MEMO1: variants seen among roughly 807,000 people sequenced by gnomAD.
The protein encoded by MEMO1 is protein MEMO1.
MEMO1 carries 6 observed loss-of-function variants against 45.2 expected under a neutral mutation model. The observed-to-expected ratio is 0.13, with a 90% CI of 0.07 to 0.26. The LOEUF is 0.26. Among genes scored for constraint, MEMO1 ranks in the 10% least tolerant of loss-of-function variants. The probability of loss-of-function intolerance (pLI) is 1.00; values close to 1 mark genes in which losing one functional copy is unlikely to be tolerated. For synonymous variants in MEMO1, 78 were observed against 124.3 expected (o/e 0.63, Z 2.48); for missense variants, 184 against 370.5 (o/e 0.50, Z 4.13).
intron 2 of MEMO1, among the ~76,000 whole-genome samples, chr2:31,997,236 A>C (rs755287726): frequency 1.2e-4 from 19 of 152,170 alleles, no homozygotes; most frequent in Non-Finnish European, 2.6e-4. Flanking sequence ...TAAACTCAAA[A>C]CTATTCAAAG....
intron 7 of MEMO1, among the ~76,000 whole-genome samples, chr2:31,891,212 T>C (rs1296987338): frequency 6.6e-6 from 1 of 152,204 alleles, no homozygotes; most frequent in Admixed American, 6.5e-5. Context: ...GAACAGATAT[T>C]GGCATCTTAA....
intron 2 of MEMO1, among the ~76,000 whole-genome samples, chr2:31,987,560 A>G (rs1319546679): frequency 1.3e-5 from 2 of 152,230 alleles, no homozygotes; most frequent in East Asian, 3.8e-4. Flanking sequence ...ACCTGGTGTC[A>G]GACAAATAAC....
intron 9 of MEMO1, 123 bp from the exon 10 acceptor site, chr2:31,868,615 T>A: frequency 1.2e-6 from 1 of 861,504 alleles, no homozygotes; most frequent in Non-Finnish European, 1.6e-6. Context: ...TGCTCTTTTG[T>A]TTCTTGAATT....
Position 31,883,476 on chromosome 2 carries a change from T to C in MEMO1, c.581-14A>G, listed in dbSNP as rs750542666. The C allele has an allele frequency of 1.0e-5, 16 of 1,548,094 alleles. No homozygotes were observed. The South Asian group carries it at 1.1e-4, about 11-fold the overall frequency. The stretch of plus-strand genomic sequence containing the variant: ...GGAACCTTTGACCTTGAAACAAATA[T>C]CATGTACAAAATAAAATAGGGAAAA... On this transcript the variant is annotated splice_polypyrimidine_tract_variant and intron_variant, in intron 7 of 9. Transcript: ENST00000404530.
chr2:31,953,521 T>C (rs1271961867), intron 2 of MEMO1, among the ~76,000 whole-genome samples: 1 of 151,544 alleles, frequency 6.6e-6, no homozygotes, highest in Non-Finnish European at 1.5e-5. Flanking sequence ...AGAGGCACGA[T>C]CTTGGCTCAC....
chr2:31,932,120 C>A lies in MEMO1; in HGVS notation c.159G>T (p.Thr53=), dbSNP rs375894934. The change falls in exon 4 of 10, where the codon ACG becomes ACT. Residue 53 remains threonine (T), a synonymous_variant. Transcript: ENST00000404530. The part of the protein sequence containing the change: ...RAIIAPHAGY[T]YCGSCAAHAY... ...CATGGGCAGCACAAGACCCACAGTACGTATATCCTGCATGGCTACAAAACA... is the reference window on the plus strand; with the variant it reads ...CATGGGCAGCACAAGACCCACAGTAAGTATATCCTGCATGGCTACAAAACA... 1.2e-6 allele frequency: 2 copies of A among 1,613,414 alleles called. No individual in the cohort carries two copies. Among genetic ancestry groups the A allele is most frequent in the Non-Finnish European group, 1.7e-6 (2 of 1,179,564 alleles).
intron 4 of MEMO1, among the ~76,000 whole-genome samples, chr2:31,922,213 G>A (rs1420798014): frequency 1.3e-5 from 2 of 152,022 alleles, no homozygotes; most frequent in Admixed American, 1.3e-4. Context: ...CAGGGAATGT[G>A]TGCTTTAGCA....
chr2:31,882,479 C>T (rs1675554541), intron 8 of MEMO1, among the ~76,000 whole-genome samples: 1 of 151,650 alleles, frequency 6.6e-6, no homozygotes, highest in African/African-American at 2.4e-5. Flanking sequence ...ATATTAATTC[C>T]ACTGAATTTT....
chr2:31,946,022 C>A (rs76258013), intron 2 of MEMO1, among the ~76,000 whole-genome samples: 6 of 152,138 alleles, frequency 3.9e-5, no homozygotes, highest in Non-Finnish European at 8.8e-5. Context: ...TTGTGATACA[C>A]GTGTCATTCT....
chr2:31,896,291 C>T (rs1312724511), intron 6 of MEMO1, among the ~76,000 whole-genome samples: 1 of 152,082 alleles, frequency 6.6e-6, no homozygotes, highest in Non-Finnish European at 1.5e-5. Flanking sequence ...ACACCATATG[C>T]AAAACTTAAT....
At chr2:31,982,670 A>C (rs757378292) in intron 2 of MEMO1, among the ~76,000 whole-genome samples, 34 of 151,922 alleles carry the variant, frequency 2.2e-4, no homozygotes, top group Non-Finnish European at 3.1e-4. Flanking sequence ...TGCTTTGATT[A>C]GAAATTGTAA....
At chr2:31,913,307 T>C (rs915847610) in intron 6 of MEMO1, among the ~76,000 whole-genome samples, 1 of 151,480 alleles carries the variant, frequency 6.6e-6, no homozygotes, top group East Asian at 1.9e-4. Context: ...ATCTATTTTT[T>C]AAAAAATACA....
intron 8 of MEMO1, among the ~76,000 whole-genome samples, chr2:31,875,846 C>G (rs1395683521): frequency 6.6e-6 from 1 of 151,920 alleles, no homozygotes; most frequent in Non-Finnish European, 1.5e-5. Context: ...ACCACCATGC[C>G]CGACTAATTT....
At chr2:31,979,217 G>A (rs918328634) in intron 2 of MEMO1, among the ~76,000 whole-genome samples, 4 of 152,092 alleles carry the variant, frequency 2.6e-5, no homozygotes, top group Admixed American at 2.0e-4. Flanking sequence ...ACAGCAGAGA[G>A]GAAACCAGAC....
chr2:32,006,683 T>C (rs970317988), intron 2 of MEMO1, among the ~76,000 whole-genome samples: 1 of 151,562 alleles, frequency 6.6e-6, no homozygotes, highest in Admixed American at 6.6e-5. Flanking sequence ...GAAGTGAGAA[T>C]GGGCTGGGTG....
chr2:31,932,885 T>C (rs1304164194), intron 3 of MEMO1, among the ~76,000 whole-genome samples: 1 of 152,156 alleles, frequency 6.6e-6, no homozygotes, highest in Non-Finnish European at 1.5e-5. Flanking sequence ...ATAATTATTC[T>C]CGTTTTCTCT....
chr2:31,896,255 T>C (rs1677794882), intron 6 of MEMO1, among the ~76,000 whole-genome samples: 1 of 152,140 alleles, frequency 6.6e-6, no homozygotes. Flanking sequence ...AAAATAAAAA[T>C]AATAATGAAC....
intron 5 of MEMO1, 30 bp downstream of exon 5, chr2:31,920,768 T>C: frequency 7.7e-7 from 1 of 1,300,934 alleles, no homozygotes; most frequent in Non-Finnish European, 1.0e-6. Context: ...CATTAGCTAT[T>C]TGAAAGCTAT....
At chr2:31,970,987 G>A (rs1015537635) in intron 2 of MEMO1, among the ~76,000 whole-genome samples, 1 of 152,196 alleles carries the variant, frequency 6.6e-6, no homozygotes, top group Non-Finnish European at 1.5e-5. Context: ...CTGGGTGACA[G>A]AGCGAGACTC....
Sources: gnomAD v4.1 joint callset for allele counts (sites outside exome capture counted in the v4.1 genomes callset) on GRCh38, gnomAD v4.1.1 for gene constraint, MANE v1.5 for transcripts, NCBI Gene and HGNC (gene_info 2026-07-23, HGNC 2026-07-21) for gene names.